KIAA0825: variants seen among roughly 807,000 people sequenced by gnomAD.
The protein encoded by KIAA0825 is uncharacterized protein KIAA0825.
A neutral mutation model predicts 147.6 loss-of-function variants in KIAA0825; 119 were observed. The observed-to-expected ratio is 0.81, with a 90% confidence interval of 0.69 to 0.94. The LOEUF is 0.94. KIAA0825 is among the 40% of genes least tolerant of loss of function. The probability of loss-of-function intolerance (pLI) is 0.00; values close to 1 mark genes in which losing one functional copy is unlikely to be tolerated. For missense variants in KIAA0825, 1,381 were observed against 1,472.7 expected, an observed-to-expected ratio of 0.94 and a Z score of 1.02; for synonymous variants, 470 against 518.1, an observed-to-expected ratio of 0.91 and a Z score of 1.26.
intron 2 of KIAA0825, among the ~76,000 whole-genome samples, chr5:94,548,698 G>A (rs1774939925): frequency 6.6e-6 from 1 of 152,086 alleles, no homozygotes; most frequent in African/African-American, 2.4e-5. Flanking sequence ...GATACACAAA[G>A]ACTGAAAACC....
At chr5:94,395,252 G>A (rs1750483888) in intron 17 of KIAA0825, among the ~76,000 whole-genome samples, 1 of 152,120 alleles carries the variant, frequency 6.6e-6, no homozygotes, top group Admixed American at 6.5e-5. Flanking sequence ...CCATGTACTA[G>A]TAAGAGTAAC....
intron 16 of KIAA0825, among the ~76,000 whole-genome samples, chr5:94,398,656 G>T (rs1364503999): frequency 6.6e-6 from 1 of 151,962 alleles, no homozygotes; most frequent in Non-Finnish European, 1.5e-5. Flanking sequence ...CTCATGAATT[G>T]TCTTTACAAC....
chr5:94,210,112 A>G (rs1772566601), intron 20 of KIAA0825, among the ~76,000 whole-genome samples: 1 of 152,184 alleles, frequency 6.6e-6, no homozygotes, highest in African/African-American at 2.4e-5. Context: ...AACATTTCCC[A>G]TCTTTGTGGA....
chr5:94,445,817 T>C (rs13178274), intron 13 of KIAA0825, among the ~76,000 whole-genome samples: 25,789 of 152,204 alleles, frequency 0.17, 2,551 homozygotes, highest in Non-Finnish European at 0.22. Flanking sequence ...GACTTCCCTC[T>C]GAAAATCTTT....
At chr5:94,545,118 C>A (rs560842784) in intron 2 of KIAA0825, among the ~76,000 whole-genome samples, 22 of 152,298 alleles carry the variant, frequency 1.4e-4, no homozygotes, top group African/African-American at 5.1e-4. Flanking sequence ...GAGAGCAAAG[C>A]TGTGCTGGGC....
intron 20 of KIAA0825, among the ~76,000 whole-genome samples, chr5:94,358,343 A>C (rs1344053447): frequency 6.6e-6 from 1 of 152,208 alleles, no homozygotes; most frequent in East Asian, 1.9e-4. Context: ...AGAGAGGATA[A>C]ACCAAAGGTC....
chr5:94,585,855 G>T (rs113350006), intron 1 of KIAA0825, among the ~76,000 whole-genome samples: 2,586 of 152,230 alleles, frequency 0.017, 65 homozygotes, highest in African/African-American at 0.059. Flanking sequence ...ACACCACAGT[G>T]CAATCAAATT....
chr5:94,604,983 AAAATAGATAG>A (rs1052716242), intron 1 of KIAA0825, among the ~76,000 whole-genome samples: 2 of 152,150 alleles, frequency 1.3e-5, no homozygotes, highest in African/African-American at 4.8e-5. Flanking sequence ...AAAAATTAAA[AAAATAGATAG>A]ACGGCTAGCT....
At chr5:94,370,625 G>A (rs1022500638) in intron 20 of KIAA0825, among the ~76,000 whole-genome samples, 1 of 151,972 alleles carries the variant, frequency 6.6e-6, no homozygotes, top group Admixed American at 6.6e-5. Context: ...ACATAGTATC[G>A]GCCGGTTGCT....
intron 13 of KIAA0825, among the ~76,000 whole-genome samples, chr5:94,441,368 C>T (rs1026087478): frequency 6.6e-6 from 1 of 152,174 alleles, no homozygotes; most frequent in African/African-American, 2.4e-5. Flanking sequence ...GTAGGCAGTG[C>T]TTTCTGAAGC....
intron 20 of KIAA0825, among the ~76,000 whole-genome samples, chr5:94,285,974 C>T (rs537750826): frequency 6.0e-4 from 91 of 152,244 alleles, no homozygotes; most frequent in Non-Finnish European, 1.0e-3. Context: ...TATCAGCCAA[C>T]ACCAGAGAAA....
intron 2 of KIAA0825, among the ~76,000 whole-genome samples, chr5:94,573,462 G>C (rs1780364842): frequency 6.6e-6 from 1 of 152,070 alleles, no homozygotes; most frequent in African/African-American, 2.4e-5. Context: ...AGTAGAGACA[G>C]AGTTTCACCA....
At chr5:94,322,253 CT>C (rs1453211746) in intron 20 of KIAA0825, among the ~76,000 whole-genome samples, 2 of 151,878 alleles carry the variant, frequency 1.3e-5, no homozygotes, top group African/African-American at 4.8e-5. Flanking sequence ...TATCCATATA[CT>C]TTTTAGCAGC....
At chr5:94,549,804 C>T (rs1775163811) in intron 2 of KIAA0825, among the ~76,000 whole-genome samples, 1 of 152,070 alleles carries the variant, frequency 6.6e-6, no homozygotes, top group South Asian at 2.1e-4. Flanking sequence ...TAAGTGCTTA[C>T]ATCAAAAAAG....
At chr5:94,322,312 TA>T (rs1460240569) in intron 20 of KIAA0825, among the ~76,000 whole-genome samples, 1 of 151,798 alleles carries the variant, frequency 6.6e-6, no homozygotes, top group Non-Finnish European at 1.5e-5. Flanking sequence ...GTAAATAACC[TA>T]AAAATCAGGG....
In KIAA0825 at chr5:94,453,062, G is replaced by A; in HGVS notation, c.2254C>T (p.Gln752Ter). 2 of 1,502,358 alleles carry A rather than the reference G, an allele frequency of 1.3e-6. No individual in the cohort carries two copies. Among genetic ancestry groups the A allele is most frequent in the South Asian group, 1.3e-5 (1 of 77,746 alleles). 93.1% of individuals were successfully genotyped at this position (1,502,358 alleles called of 1,614,324 possible). A position where few individuals can be genotyped will look rare whatever the true frequency, so the allele number is the denominator to read the frequency against. ...GAAGCAGACTCATCCAGGCCATGCT[G>A]AAAAGTCCTAGGGAAATACAAATAA... ...SPLTELYKTF[Q>*]HGLDESASDS... Residue 752 changes from glutamine to a stop codon, truncating the protein, a stop_gained, in exon 13 of 21, where the codon CAG (glutamine) becomes TAG (stop). Transcript: ENST00000682413. LOFTEE classifies it high-confidence loss of function.
chr5:94,598,120 A>G (rs1585003710), intron 1 of KIAA0825, among the ~76,000 whole-genome samples: 2 of 152,248 alleles, frequency 1.3e-5, no homozygotes, highest in South Asian at 2.1e-4. Context: ...AGCTTACTGT[A>G]ACTTTTTTAC....
chr5:94,170,070 C>A (rs1223277016), intron 20 of KIAA0825, among the ~76,000 whole-genome samples: 2 of 152,018 alleles, frequency 1.3e-5, no homozygotes, highest in African/African-American at 4.8e-5. Flanking sequence ...GAGGTCGAGG[C>A]GGGCAGTTCA....
At chr5:94,239,360 T>C (rs1440169222) in intron 20 of KIAA0825, among the ~76,000 whole-genome samples, 4 of 152,190 alleles carry the variant, frequency 2.6e-5, no homozygotes, top group Non-Finnish European at 5.9e-5. Flanking sequence ...ATAGGTTGTA[T>C]GTATTTTAAG....
Sources: allele counts gnomAD v4.1 joint callset (sites outside exome capture counted in the v4.1 genomes callset), GRCh38; gene constraint gnomAD v4.1.1; transcripts MANE v1.5; gene names NCBI Gene and HGNC (gene_info 2026-07-23, HGNC 2026-07-21).